FXR1: variants seen among roughly 807,000 people sequenced by gnomAD.
FXR1 encodes the protein FMR1 autosomal homolog 1.
Under a neutral mutation model 84.0 loss-of-function variants are expected in FXR1, and 15 were observed. That is an observed-to-expected ratio of 0.18 (90% CI 0.12 to 0.27). FXR1 has a LOEUF of 0.27. FXR1 is among the 10% of genes least tolerant of loss of function. FXR1 has a pLI of 1.00. For synonymous variants in FXR1, 245 were observed against 250.7 expected, an observed-to-expected ratio of 0.98 and a Z score of 0.21; for missense variants, 480 against 774.4, an observed-to-expected ratio of 0.62 and a Z score of 4.51.
intron 5 of FXR1, 39 bp downstream of exon 5, chr3:180,948,534 T>A (rs1440380095): frequency 6.9e-7 from 1 of 1,445,928 alleles, no homozygotes; most frequent in Non-Finnish European, 9.6e-7. Flanking sequence ...TTCTGTGAAT[T>A]AAGAAGATTT....
chr3:180,968,466 T>C lies in FXR1; in HGVS notation c.1402+212T>C, dbSNP rs557618098. On this transcript the variant is annotated intron_variant, in intron 14 of 16. Transcript: ENST00000357559. ...ACTTAGAATATACTGGTCAGAACTT[T>C]AGTTGGCAGCTTTTCTTTATATGAT... 7.1e-4 allele frequency: 298 copies of C among 421,684 alleles called. 2 individuals carry two copies. The highest frequency in any genetic ancestry group is 5.2e-3 in the African/African-American group (263 of 50,208). 26.1% of individuals were successfully genotyped at this position (421,684 alleles called of 1,614,324 possible).
In FXR1 at chr3:180,982,109, TC is replaced by T. The variant is rs1362735878; in HGVS notation, c.*5818del. 2.6e-5 allele frequency: 4 copies of T among 152,036 alleles called. No homozygotes were observed. The highest frequency in any genetic ancestry group is 5.9e-5 in the Non-Finnish European group (4 of 67,934). 9.4% of individuals were successfully genotyped at this position (152,036 alleles called of 1,614,324 possible). A position where few individuals can be genotyped will look rare whatever the true frequency, so the allele number is the denominator to read the frequency against. ...AACGGAACTCAGGATCTGAGAAAGA[TC>T]AGCCATTCTCAGCATGTTGCCTTGG... On this transcript the variant is annotated 3_prime_UTR_variant, in exon 17 of 17. Coordinates refer to ENST00000357559, the MANE Select transcript of FXR1 (RefSeq NM_005087.4).
intron 8 of FXR1, among the ~76,000 whole-genome samples, 155 bp from the exon 9 acceptor site, chr3:180,953,607 A>T (rs1012530908): frequency 1.3e-5 from 2 of 152,156 alleles, no homozygotes; most frequent in Admixed American, 6.5e-5. Context: ...TTTGTGAATC[A>T]CTTCACCTGA....
chr3:180,965,923 G>A (rs548998786), intron 13 of FXR1, among the ~76,000 whole-genome samples: 196 of 152,130 alleles, frequency 1.3e-3, no homozygotes, highest in African/African-American at 4.5e-3. Flanking sequence ...GCTGTGACAC[G>A]GGGTTAGATA....
At chr3:180,941,152 C>T (rs1668672778) in intron 3 of FXR1, among the ~76,000 whole-genome samples, 2 of 151,306 alleles carry the variant, frequency 1.3e-5, no homozygotes, top group South Asian at 4.2e-4. Context: ...TGAGGTAAGA[C>T]ACTCCTTTCT....
At position 180,950,601 on chromosome 3, in the gene FXR1, G is replaced by A. The variant is rs1722131856; in HGVS notation, c.631-697G>A. 2.6e-5 allele frequency among the ~76,000 whole-genome samples: 4 copies of A among 151,964 alleles called. No individual in the cohort carries two copies. In the South Asian group the frequency reaches 8.3e-4, roughly 32 times the overall value. Reference sequence around the variant, plus strand: ...ATCAATCTTCAGTACATCTCATCTTGTAAAACTGCAAATCTATACCCTTTA... The same window carrying A: ...ATCAATCTTCAGTACATCTCATCTTATAAAACTGCAAATCTATACCCTTTA... On this transcript the variant is annotated intron_variant, in intron 7 of 16. Coordinates refer to ENST00000357559, the MANE Select transcript of FXR1 (RefSeq NM_005087.4).
intron 1 of FXR1, among the ~76,000 whole-genome samples, chr3:180,930,079 A>G (rs1719702762): frequency 6.6e-6 from 1 of 152,118 alleles, no homozygotes; most frequent in Admixed American, 6.6e-5. Context: ...CCTGGCGGAC[A>G]TGGTGAAACC....
chr3:180,938,420 G>C (rs1156293895), intron 3 of FXR1, among the ~76,000 whole-genome samples: 2 of 152,202 alleles, frequency 1.3e-5, no homozygotes, highest in East Asian at 3.8e-4. Flanking sequence ...TTAATGAATA[G>C]TAGTATGGGA....
At chr3:180,961,433 T>C (rs528375795) in intron 10 of FXR1, 35 bp from the exon 11 acceptor site, 19 of 1,102,226 alleles carry the variant, frequency 1.7e-5, no homozygotes, top group South Asian at 1.1e-4. Flanking sequence ...TGTTAAAATA[T>C]TAAACACTGA....
intron 9 of FXR1, among the ~76,000 whole-genome samples, chr3:180,955,648 T>G (rs958509233): frequency 6.6e-6 from 1 of 152,210 alleles, no homozygotes; most frequent in Non-Finnish European, 1.5e-5. Context: ...TTGACTTAAC[T>G]AAGGTTTCCT....
At chr3:180,965,796 A>C (rs1268702341) in intron 13 of FXR1, among the ~76,000 whole-genome samples, 1 of 152,174 alleles carries the variant, frequency 6.6e-6, no homozygotes, top group Non-Finnish European at 1.5e-5. Context: ...CAATACATTA[A>C]AATTTTGGGG....
At chr3:180,952,949 C>T (rs1722383217) in intron 8 of FXR1, among the ~76,000 whole-genome samples, 1 of 151,616 alleles carries the variant, frequency 6.6e-6, no homozygotes, top group Non-Finnish European at 1.5e-5. Flanking sequence ...CCTCTGGCCT[C>T]AGCCTCTTGA....
chr3:180,963,104 T>C lies in FXR1; in HGVS notation c.1198+14T>C. On this transcript the variant is annotated intron_variant, in intron 13 of 16. Transcript: ENST00000357559. Reference sequence around the variant, plus strand: ...CCTCCGGTTATGGTAAAAAAAAATTTTTTTTTTTTTTTTTTGGTAATAGTA... The same window carrying C: ...CCTCCGGTTATGGTAAAAAAAAATTCTTTTTTTTTTTTTTTGGTAATAGTA... The C allele has an allele frequency of 9.8e-7, 1 of 1,023,528 alleles. No individual in the cohort carries two copies. 63.4% of individuals were successfully genotyped at this position (1,023,528 alleles called of 1,614,324 possible). A position where few individuals can be genotyped will look rare whatever the true frequency, so the allele number is the denominator to read the frequency against.
At chr3:180,951,563 T>G (rs972124243) in intron 8 of FXR1, 95 bp downstream of exon 8, 12 of 896,446 alleles carry the variant, frequency 1.3e-5, no homozygotes, top group Non-Finnish European at 2.1e-5. Context: ...CATGAAACAT[T>G]TTTGAGGTAG....
At chr3:180,923,468 TAC>T (rs1305962061) in intron 1 of FXR1, among the ~76,000 whole-genome samples, 2 of 152,248 alleles carry the variant, frequency 1.3e-5, no homozygotes, top group African/African-American at 2.4e-5. Context: ...TCTGAGACCT[TAC>T]AGTGAAACCA....
intron 3 of FXR1, among the ~76,000 whole-genome samples, chr3:180,938,549 T>C (rs193150240): frequency 1.3e-5 from 2 of 152,290 alleles, no homozygotes; most frequent in Non-Finnish European, 2.9e-5. Context: ...TTTATTTTTT[T>C]ATTTTATTTT....
intron 14 of FXR1, among the ~76,000 whole-genome samples, chr3:180,969,068 T>C (rs1713205689): frequency 6.6e-6 from 1 of 152,196 alleles, no homozygotes; most frequent in South Asian, 2.1e-4. Flanking sequence ...TAAATATAGA[T>C]GCCAACTGTG....
chr3:180,967,603 A>G (rs896581297), intron 13 of FXR1, among the ~76,000 whole-genome samples: 50 of 151,490 alleles, frequency 3.3e-4, no homozygotes, highest in Middle Eastern at 3.4e-3. Flanking sequence ...CTAGGAATTA[A>G]TGTTCTGTAT....
intron 1 of FXR1, among the ~76,000 whole-genome samples, chr3:180,913,837 T>G (rs1234793276): frequency 1.3e-5 from 2 of 152,236 alleles, no homozygotes; most frequent in Non-Finnish European, 2.9e-5. Context: ...ATGAAGGGCC[T>G]TCTTCTAATA....
Sources: gnomAD v4.1 joint callset for allele counts (sites outside exome capture counted in the v4.1 genomes callset) on GRCh38, gnomAD v4.1.1 for gene constraint, MANE v1.5 for transcripts, NCBI Gene and HGNC (gene_info 2026-07-23, HGNC 2026-07-21) for gene names.